The following COLEC12 variants were observed in gnomAD, a reference collection of about 807,000 sequenced individuals.
COLEC12 encodes the protein collectin subfamily member 12.
COLEC12 carries 33 observed loss-of-function variants against 71.1 expected under a neutral mutation model. The observed-to-expected ratio is 0.46, with a 90% CI of 0.35 to 0.62. The LOEUF is 0.62. COLEC12 is among the 20% of genes least tolerant of loss of function. The pLI, the probability that COLEC12 is intolerant of heterozygous loss-of-function variation, is 0.00. For missense variants in COLEC12, 765 were observed against 916.1 expected (o/e 0.84, Z 2.13); for synonymous variants, 350 against 353.0 (o/e 0.99, Z 0.10).
intron 2 of COLEC12, among the ~76,000 whole-genome samples, chr18:391,430 CAT>C (rs1053051362): frequency 2.6e-5 from 4 of 152,222 alleles, no homozygotes; most frequent in Admixed American, 6.5e-5. Context: ...AGCGAATACA[CAT>C]GTGTTGTGGT....
chr18:402,948 T>A (rs1915716862), intron 2 of COLEC12, among the ~76,000 whole-genome samples: 2 of 152,150 alleles, frequency 1.3e-5, no homozygotes, highest in African/African-American at 4.8e-5. Flanking sequence ...GTTTTCAACT[T>A]CCTGGCTGTA....
At chr18:351,070 T>G (rs555076175) in intron 3 of COLEC12, among the ~76,000 whole-genome samples, 1 of 152,232 alleles carries the variant, frequency 6.6e-6, no homozygotes, top group East Asian at 1.9e-4. Flanking sequence ...CACGCATGAC[T>G]GTGTGAGATT....
At chr18:496,039 G>C (rs966881380) in intron 1 of COLEC12, among the ~76,000 whole-genome samples, 2 of 152,042 alleles carry the variant, frequency 1.3e-5, no homozygotes, top group Non-Finnish European at 2.9e-5. Flanking sequence ...TTTTACCCAG[G>C]GTGAAACATA....
intron 2 of COLEC12, among the ~76,000 whole-genome samples, chr18:374,164 A>G (rs987678729): frequency 6.6e-6 from 1 of 152,234 alleles, no homozygotes; most frequent in African/African-American, 2.4e-5. Flanking sequence ...AGCCATTGAG[A>G]AAAGCGGCAA....
chr18:382,520 C>T (rs145718751), intron 2 of COLEC12, among the ~76,000 whole-genome samples: 25 of 152,232 alleles, frequency 1.6e-4, no homozygotes, highest in Non-Finnish European at 2.8e-4. Context: ...AACTCTGGAG[C>T]AAACCCAATA....
At chr18:413,200 C>T (rs901283075) in intron 2 of COLEC12, among the ~76,000 whole-genome samples, 4 of 152,122 alleles carry the variant, frequency 2.6e-5, no homozygotes, top group Admixed American at 2.6e-4. Context: ...CATGAAGAGA[C>T]ATTTGACTGA....
intron 2 of COLEC12, among the ~76,000 whole-genome samples, chr18:464,039 CA>C (rs1917037278): frequency 1.3e-5 from 2 of 152,142 alleles, no homozygotes; most frequent in African/African-American, 4.8e-5. Flanking sequence ...TCTCCATCCC[CA>C]CCCACACCCT....
At chr18:494,149 G>C (rs1917667990) in intron 1 of COLEC12, among the ~76,000 whole-genome samples, 1 of 152,210 alleles carries the variant, frequency 6.6e-6, no homozygotes, top group Non-Finnish European at 1.5e-5. Flanking sequence ...AGTGACGGCA[G>C]CTGGAATGCA....
intron 2 of COLEC12, among the ~76,000 whole-genome samples, chr18:460,617 T>C (rs1916964287): frequency 6.6e-6 from 1 of 152,202 alleles, no homozygotes; most frequent in African/African-American, 2.4e-5. Flanking sequence ...TCAATATAGC[T>C]TTCCTGACAA....
chr18:471,302 G>A (rs192779500), intron 2 of COLEC12, among the ~76,000 whole-genome samples: 5 of 151,696 alleles, frequency 3.3e-5, no homozygotes, highest in East Asian at 3.9e-4. Flanking sequence ...GGCAAGAGCT[G>A]TATTCACTAA....
chr18:423,434 T>G (rs917566493), intron 2 of COLEC12, among the ~76,000 whole-genome samples: 5 of 152,182 alleles, frequency 3.3e-5, no homozygotes, highest in African/African-American at 7.2e-5. Flanking sequence ...TTCTTCTTCT[T>G]CTTTTTTTTA....
At chr18:328,466 A>C (rs1046604707) in intron 8 of COLEC12, among the ~76,000 whole-genome samples, 1 of 152,214 alleles carries the variant, frequency 6.6e-6, no homozygotes, top group African/African-American at 2.4e-5. Flanking sequence ...CTGTGTGGAC[A>C]TCCCAATCAG....
chr18:497,702 G>A (rs1917739292), intron 1 of COLEC12, among the ~76,000 whole-genome samples: 1 of 152,162 alleles, frequency 6.6e-6, no homozygotes, highest in Non-Finnish European at 1.5e-5. Context: ...ACCTGGCCAA[G>A]AATGTTTTAG....
intron 2 of COLEC12, among the ~76,000 whole-genome samples, chr18:468,275 A>AAG (rs1278223107): frequency 6.6e-6 from 1 of 151,898 alleles, no homozygotes; most frequent in Non-Finnish European, 1.5e-5. Flanking sequence ...AAAAAAAAAA[A>AAG]AAATCAAATG....
Position 318,301 on chromosome 18 carries a change from T to G in COLEC12, c.*1744A>C, listed in dbSNP as rs991819846. ...GGCTGTCTTTATTCTTTTACCATTT[T>G]ATTTGGGATAAGTAGCAGCACTGCC... On this transcript the variant is annotated 3_prime_UTR_variant, in exon 10 of 10. Transcript: ENST00000400256. 6.6e-6 allele frequency: 1 copy of G among 151,220 alleles called. No individual in the cohort carries two copies. Among genetic ancestry groups the G allele is most frequent in the Admixed American group, 6.6e-5 (1 of 15,182 alleles). The allele number at this position is 151,220 out of a possible 1,614,324, so 9.4% of individuals were successfully genotyped here. A position where few individuals can be genotyped will look rare whatever the true frequency, so the allele number is the denominator to read the frequency against.
At chr18:349,083 TTAAC>T (rs1914449019) in intron 3 of COLEC12, among the ~76,000 whole-genome samples, 1 of 152,214 alleles carries the variant, frequency 6.6e-6, no homozygotes, top group Admixed American at 6.5e-5. Context: ...GTCCCAAATG[TTAAC>T]CCCCAAGACA....
At chr18:430,932 T>G (rs1598360860) in intron 2 of COLEC12, among the ~76,000 whole-genome samples, 1 of 152,226 alleles carries the variant, frequency 6.6e-6, no homozygotes, top group Non-Finnish European at 1.5e-5. Flanking sequence ...ATGTCCACTT[T>G]GCATTTAAGT....
At chr18:325,610 A>C (rs1363213927) in intron 8 of COLEC12, among the ~76,000 whole-genome samples, 1 of 143,716 alleles carries the variant, frequency 7.0e-6, no homozygotes, top group East Asian at 2.2e-4. Context: ...CATTACACCA[A>C]GAGTAAAAGG....
intron 2 of COLEC12, among the ~76,000 whole-genome samples, chr18:460,045 A>C (rs532438236): frequency 7.1e-6 from 1 of 141,372 alleles, no homozygotes; most frequent in African/African-American, 2.7e-5. Context: ...CAGAGGAAAA[A>C]AAAGGAAAAA....
Sources: gnomAD v4.1 joint callset for allele counts (sites outside exome capture counted in the v4.1 genomes callset) on GRCh38, gnomAD v4.1.1 for gene constraint, MANE v1.5 for transcripts, NCBI Gene and HGNC (gene_info 2026-07-23, HGNC 2026-07-21) for gene names.